INPP5A: variants seen among roughly 807,000 people sequenced by gnomAD.
INPP5A encodes 43 kDa inositol polyphosphate 5-phophatase.
INPP5A carries 14 observed loss-of-function variants against 65.2 expected under a neutral mutation model. That is an observed-to-expected ratio of 0.21 (90% CI 0.14 to 0.34). The LOEUF is 0.34. Ranked by LOEUF, INPP5A falls within the 10% of genes least tolerant of loss-of-function variation. The pLI is 1.00. For missense variants in INPP5A, 431 were observed against 545.6 expected (o/e 0.79, Z 2.09); for synonymous variants, 207 against 208.3 (o/e 0.99, Z 0.05).
At chr10:132,761,828 A>C (rs2134666931) in intron 11 of INPP5A, among the ~76,000 whole-genome samples, 1 of 152,354 alleles carries the variant, frequency 6.6e-6, no homozygotes, top group Admixed American at 6.5e-5. Flanking sequence ...AGAGTCCAGA[A>C]ATACAACAAA....
intron 2 of INPP5A, among the ~76,000 whole-genome samples, chr10:132,638,866 C>T (rs1029588830): frequency 6.6e-6 from 1 of 152,196 alleles, no homozygotes; most frequent in East Asian, 1.9e-4. Context: ...TTGAGCCTGG[C>T]AGCTTCCACT....
At chr10:132,589,093 G>A (rs573430421) in intron 1 of INPP5A, among the ~76,000 whole-genome samples, 219 of 152,330 alleles carry the variant, frequency 1.4e-3, no homozygotes, top group African/African-American at 5.1e-3. Context: ...GTGGGGTGTG[G>A]TCCAGGGTGT....
chr10:132,669,076 AC>A (rs1268655619), intron 4 of INPP5A, among the ~76,000 whole-genome samples: 3 of 151,838 alleles, frequency 2.0e-5, no homozygotes, highest in Non-Finnish European at 4.4e-5. Context: ...ACATGGTGAA[AC>A]CCCGTCTCTA....
chr10:132,701,339 C>T (rs1167362789), intron 6 of INPP5A, among the ~76,000 whole-genome samples: 2 of 152,210 alleles, frequency 1.3e-5, no homozygotes, highest in Non-Finnish European at 2.9e-5. Flanking sequence ...GCGGCCACCT[C>T]GGGAGAGCGG....
intron 8 of INPP5A, among the ~76,000 whole-genome samples, chr10:132,716,362 G>A (rs1003808259): frequency 5.3e-5 from 8 of 152,344 alleles, no homozygotes; most frequent in African/African-American, 1.4e-4. Flanking sequence ...GGAGGCAAGC[G>A]TCGACGTGAC....
chr10:132,563,968 T>C (rs1003322828), intron 1 of INPP5A, among the ~76,000 whole-genome samples: 1 of 152,164 alleles, frequency 6.6e-6, no homozygotes, highest in Non-Finnish European at 1.5e-5. Flanking sequence ...TCCTGGTTCA[T>C]ACCTGAACCG....
chr10:132,709,531 G>A (rs1372360377), intron 7 of INPP5A, among the ~76,000 whole-genome samples: 4 of 152,148 alleles, frequency 2.6e-5, no homozygotes, highest in Admixed American at 1.3e-4. Flanking sequence ...ACAGGGAACA[G>A]CCTTGGCATG....
At chr10:132,583,268 A>G (rs1043489668) in intron 1 of INPP5A, among the ~76,000 whole-genome samples, 1 of 152,208 alleles carries the variant, frequency 6.6e-6, no homozygotes, top group Non-Finnish European at 1.5e-5. Flanking sequence ...GTTGTGTACT[A>G]ATCTCGTGTC....
chr10:132,632,270 T>C (rs1180219888), intron 2 of INPP5A, among the ~76,000 whole-genome samples: 2 of 152,244 alleles, frequency 1.3e-5, no homozygotes, highest in Non-Finnish European at 2.9e-5. Flanking sequence ...CCTGGGGAGC[T>C]GCTTGGCTTT....
chr10:132,639,241 G>A (rs1398428355), intron 2 of INPP5A, among the ~76,000 whole-genome samples: 3 of 151,582 alleles, frequency 2.0e-5, no homozygotes, highest in Admixed American at 1.3e-4. Context: ...TTTCTTTTGT[G>A]TGAAAATGTT....
intron 3 of INPP5A, among the ~76,000 whole-genome samples, chr10:132,647,774 T>A (rs2072518425): frequency 1.3e-5 from 2 of 152,112 alleles, no homozygotes. Flanking sequence ...TGAAATTGGA[T>A]CCCTGCTTTG....
chr10:132,727,243 G>T lies in INPP5A; in HGVS notation c.732+338G>T, dbSNP rs1846002674. The stretch of plus-strand genomic sequence containing the variant: ...TGCCCACAGAGCTGCAGCCTCTGCA[G>T]AGTGTCAGCTCCTTCACACTGTCCA... On this transcript the variant is annotated intron_variant, in intron 9 of 15. Coordinates refer to ENST00000368594, the MANE Select transcript of INPP5A (RefSeq NM_005539.5). The surrounding 1 kb of genome is among the most constrained non-coding windows in gnomAD (Gnocchi z 6.5). 1 of 234,064 alleles carries T rather than the reference G, an allele frequency of 4.3e-6. No homozygotes were observed. Among genetic ancestry groups the T allele is most frequent in the Non-Finnish European group, 8.3e-6 (1 of 119,910 alleles). The allele number at this position is 234,064 out of a possible 1,614,324, so 14.5% of individuals were successfully genotyped here. A position where few individuals can be genotyped will look rare whatever the true frequency, so the allele number is the denominator to read the frequency against.
chr10:132,719,891 A>T (rs1312031228), intron 8 of INPP5A, among the ~76,000 whole-genome samples: 14 of 105,202 alleles, frequency 1.3e-4, no homozygotes, highest in South Asian at 6.3e-4. Context: ...GGCTGTCTTC[A>T]GGGTTCTGTG....
At chr10:132,715,181 C>T (rs897457428) in intron 8 of INPP5A, among the ~76,000 whole-genome samples, 2 of 152,204 alleles carry the variant, frequency 1.3e-5, no homozygotes, top group Non-Finnish European at 2.9e-5. Context: ...TGAGGCGTCC[C>T]GAAACCTTCC....
In INPP5A at chr10:132,651,958, C is replaced by G. The variant is rs548256504; in HGVS notation, c.306+1453C>G. On this transcript the variant is annotated intron_variant, in intron 4 of 15. Transcript: ENST00000368594. This position sits in a 1 kb window ranked among gnomAD's most constrained non-coding sequence, Gnocchi z 5.0. The stretch of plus-strand genomic sequence containing the variant: ...GCACACGGGGACCACGGGGCCCCCA[C>G]TCACACCAGAGCCAAGGCCCTCACC... Among the ~76,000 whole-genome samples the G allele has an allele frequency of 6.6e-6, 1 of 152,212 alleles. No individual in the cohort carries two copies. Among genetic ancestry groups the G allele is most frequent in the African/African-American group, 2.4e-5 (1 of 41,462 alleles).
At chr10:132,688,923 CAT>C (rs1395382839) in intron 4 of INPP5A, among the ~76,000 whole-genome samples, 1 of 151,358 alleles carries the variant, frequency 6.6e-6, no homozygotes, top group Non-Finnish European at 1.5e-5. Flanking sequence ...TGCATGAGTG[CAT>C]GTGTGCATGT....
rs747883469 is a variant in INPP5A, at chr10:132,710,296, T to G, written c.528-41T>G. On this transcript the variant is annotated intron_variant, in intron 7 of 15. Coordinates refer to ENST00000368594, the MANE Select transcript of INPP5A (RefSeq NM_005539.5). ...GGAGAACGAAGTGTGACCCGGAGGC[T>G]CCGGCCCTTGGTGACGTGTCCTTTT... The G allele has an allele frequency of 4.4e-6, 7 of 1,605,226 alleles. No individual in the cohort carries two copies. The African/African-American group carries it at 8.0e-5, about 18-fold the overall frequency.
intron 7 of INPP5A, among the ~76,000 whole-genome samples, chr10:132,708,700 G>A (rs1482021690): frequency 3.3e-5 from 5 of 152,208 alleles, no homozygotes; most frequent in Non-Finnish European, 4.4e-5. Context: ...CTGGGGCCCT[G>A]TGGCTGCCCA....
At chr10:132,540,138 A>G (rs1446613925) in intron 1 of INPP5A, among the ~76,000 whole-genome samples, 1 of 152,242 alleles carries the variant, frequency 6.6e-6, no homozygotes, top group Non-Finnish European at 1.5e-5. Flanking sequence ...TCAAAGCCTC[A>G]GAAATGTCAG....
Sources: gnomAD v4.1 joint callset for allele counts (sites outside exome capture counted in the v4.1 genomes callset) on GRCh38, gnomAD v4.1.1 for gene constraint, Gnocchi (gnomAD v3.1) non-coding constraint, MANE v1.5 for transcripts, NCBI Gene and HGNC (gene_info 2026-07-23, HGNC 2026-07-21) for gene names.